Variants in ITGB4 observed in about 807,000 individuals in gnomAD.
ITGB4 encodes integrin subunit beta 4, also known as integrin beta-4.
Under a neutral mutation model 207.6 loss-of-function variants are expected in ITGB4, and 159 were observed. The ratio of observed to expected loss-of-function variants is 0.77; its 90% CI spans 0.67 to 0.87. The LOEUF (loss-of-function observed/expected upper bound fraction) is 0.87. Ranked by LOEUF, ITGB4 falls within the 40% of genes least tolerant of loss-of-function variation. The pLI is 0.00. For missense variants in ITGB4, 2,278 were observed against 2,546.8 expected, an observed-to-expected ratio of 0.89 and a Z score of 2.27; for synonymous variants, 1,020 against 1,062.7, an observed-to-expected ratio of 0.96 and a Z score of 0.78.
rs2060741049 is a variant in ITGB4, at chr17:75,727,330, G to A, written c.162+53G>A. On this transcript the variant is annotated intron_variant, in intron 3 of 39. Coordinates refer to ENST00000200181, the MANE Select transcript of ITGB4 (RefSeq NM_000213.5). This position sits in a 1 kb window ranked among gnomAD's most constrained non-coding sequence, Gnocchi z 6.0. ...AACAGGCAAGGGTCGGGAATAGCTG[G>A]TGGAAATGAATCTAGGGTTGGGGCA... The A allele has an allele frequency of 6.2e-7, 1 of 1,612,680 alleles. No homozygotes were observed. Among genetic ancestry groups the A allele is most frequent in the Non-Finnish European group, 8.5e-7 (1 of 1,178,956 alleles).
chr17:75,739,780 A>T lies in ITGB4; in HGVS notation c.2254+75A>T. 2 of 1,611,122 alleles carry T rather than the reference A, an allele frequency of 1.2e-6. No homozygotes were observed. Among genetic ancestry groups the T allele is most frequent in the Non-Finnish European group, 1.7e-6 (2 of 1,177,504 alleles). ...CTGAGCTGGGGTGGAGGGAAGCTGA[A>T]CCTGGAACGGCAGAGGCTGGAGGCT... On this transcript the variant is annotated intron_variant, in intron 19 of 39. Coordinates refer to ENST00000200181, the MANE Select transcript of ITGB4 (RefSeq NM_000213.5). This position sits in a 1 kb window ranked among gnomAD's most constrained non-coding sequence, Gnocchi z 5.4.
chr17:75,756,282 A>G, intron 35 of ITGB4, 147 bp from the exon 36 acceptor site: 2 of 779,594 alleles, frequency 2.6e-6, no homozygotes, highest in Non-Finnish European at 4.3e-6. Context: ...AACCAGCCAT[A>G]CCATACTGTA....
At chr17:75,746,062 A>G (rs1370901711) in intron 26 of ITGB4, among the ~76,000 whole-genome samples, 1 of 152,056 alleles carries the variant, frequency 6.6e-6, no homozygotes, top group Non-Finnish European at 1.5e-5. Flanking sequence ...ATGTCCCCCC[A>G]TAAAAATTCC....
At chr17:75,743,151 C>T (rs879579299) in intron 25 of ITGB4, among the ~76,000 whole-genome samples, 6 of 152,136 alleles carry the variant, frequency 3.9e-5, no homozygotes, top group Non-Finnish European at 7.4e-5. Context: ...GGGCTGAAGG[C>T]TCCATCTCTG....
rs2060844880 is a variant in ITGB4 at position 75,731,019 on chromosome 17, G to T, written c.1092+55G>T. 4 of 1,514,352 alleles carry T rather than the reference G, an allele frequency of 2.6e-6. No individual in the cohort carries two copies. The highest frequency in any genetic ancestry group is 1.7e-5 in the Admixed American group (1 of 59,744). The allele number at this position is 1,514,352 out of a possible 1,614,324, so 93.8% of individuals were successfully genotyped here. On this transcript the variant is annotated intron_variant, in intron 9 of 39. Transcript: ENST00000200181. This position sits in a 1 kb window ranked among gnomAD's most constrained non-coding sequence, Gnocchi z 6.8. ...GCCCTTCTGGGGCAGGGCAGGAAGT[G>T]GGCAGGGTGGGCAAGAGGTGTCTTG...
In ITGB4 at chr17:75,752,339, C is replaced by G. The variant is rs780818352; in HGVS notation, c.3959C>G (p.Pro1320Arg). 1 of 1,612,666 alleles carries G rather than the reference C, an allele frequency of 6.2e-7. No individual in the cohort carries two copies. Among genetic ancestry groups the G allele is most frequent in the Non-Finnish European group, 8.5e-7 (1 of 1,179,754 alleles). ...REAIINLATQ[P>R]KRPMSIPIIP... is the part of the protein sequence containing the mutation. ...GCCATCATCAACCTGGCCACCCAGC[C>G]CAAGAGGCCCATGTCCAGTGAGTGG... Residue 1320 changes from proline to arginine, a missense_variant, in exon 31 of 40, where the codon CCC becomes CGC. Coordinates refer to ENST00000200181, the MANE Select transcript of ITGB4 (RefSeq NM_000213.5).
Position 75,739,957 on chromosome 17 carries a change from A to G in ITGB4, c.2332A>G (p.Met778Val). The stretch of plus-strand genomic sequence containing the variant: ...GGCCTCTGACCACTTGGACACGCCC[A>G]TGCTGCGCAGCGGGAACCTCAAGGG... Reference protein sequence around the residue: ...LMASDHLDTPMLRSGNLKGRD... With the variant: ...LMASDHLDTPVLRSGNLKGRD... Residue 778 changes from methionine to valine, a missense_variant, in exon 20 of 40, where the codon ATG (methionine) becomes GTG (valine). By Grantham distance (21) the Met-to-Val change is conservative. Transcript: ENST00000200181. This position sits in a 1 kb window ranked among gnomAD's most constrained non-coding sequence, Gnocchi z 5.4. 1 of 1,613,282 alleles carries G rather than the reference A, an allele frequency of 6.2e-7. No individual in the cohort carries two copies.
chr17:75,753,356 G>A (rs1176124148), intron 32 of ITGB4, among the ~76,000 whole-genome samples: 1 of 152,162 alleles, frequency 6.6e-6, no homozygotes, highest in African/African-American at 2.4e-5. Flanking sequence ...CGAAGCGCTC[G>A]GTGGCTTGCG....
In ITGB4 at chr17:75,732,171, G is replaced by A; in HGVS notation, c.1386G>A (p.Glu462=). 1.9e-6 allele frequency: 3 copies of A among 1,614,122 alleles called. No individual in the cohort carries two copies. The highest frequency in any genetic ancestry group is 2.5e-6 in the Non-Finnish European group (3 of 1,180,044). ...GGTCTCTCTCATTCCAGCAAAAAGA[G>A]GTGCGGTCAGCTCGCTGCAGCTTCA... ...CDVCTCELQK[E]VRSARCSFNG... The change falls in exon 12 of 40, where the codon GAG becomes GAA. Residue 462 remains glutamate, a synonymous_variant. Coordinates refer to ENST00000200181, the MANE Select transcript of ITGB4 (RefSeq NM_000213.5). The surrounding 1 kb of genome is among the most constrained non-coding windows in gnomAD (Gnocchi z 5.3).
At chr17:75,728,163 C>A (rs1490240657) in intron 5 of ITGB4, among the ~76,000 whole-genome samples, 2 of 152,214 alleles carry the variant, frequency 1.3e-5, no homozygotes, top group Non-Finnish European at 2.9e-5. Context: ...TTCCCAGCCA[C>A]CCTGCCCTTG....
In ITGB4 at chr17:75,750,504, G is replaced by A. The variant is rs935096908; in HGVS notation, c.3475-176G>A. On this transcript the variant is annotated intron_variant, in intron 28 of 39. Coordinates refer to ENST00000200181, the MANE Select transcript of ITGB4 (RefSeq NM_000213.5). The surrounding 1 kb of genome is among the most constrained non-coding windows in gnomAD (Gnocchi z 5.5). ...GGGGCCCCCTCCCACCCCCGCATGG[G>A]AGATACCCCCACCTGCTCTGCCCTA... Among the ~76,000 whole-genome samples the A allele has an allele frequency of 2.6e-5, 4 of 152,284 alleles. No individual in the cohort carries two copies. Among genetic ancestry groups the A allele is most frequent in the African/African-American group, 9.6e-5 (4 of 41,564 alleles).
At chr17:75,743,651 G>C in intron 25 of ITGB4, 62 bp from the exon 26 acceptor site, 1 of 1,611,224 alleles carries the variant, frequency 6.2e-7, no homozygotes, top group Non-Finnish European at 8.5e-7. Flanking sequence ...GGTCACAGGA[G>C]AGCAGGAGGT....
chr17:75,752,562 G>C lies in ITGB4; in HGVS notation c.4093G>C (p.Val1365Leu). 6.2e-7 allele frequency: 1 copy of C among 1,613,574 alleles called. No individual in the cohort carries two copies. The highest frequency in any genetic ancestry group is 1.3e-5 in the African/African-American group (1 of 75,062). Residue 1365 changes from valine to leucine, a missense_variant, in exon 32 of 40, where the codon GTC becomes CTC. Physicochemically the swap from Val to Leu is conservative, Grantham distance 32. Transcript: ENST00000200181. ...RSPSGSQRPS[V>L]SDDTGCGWKF... ...TCCATCGGGCAGCCAGAGGCCCAGC[G>C]TCTCCGATGACACTGGTGAGTGGAG...
In ITGB4 at chr17:75,757,619, TCCTCAGCTACTCCATCCTTGCA is replaced by T. The variant is rs2061552074; in HGVS notation, c.*67_*88del. 1 of 1,601,978 alleles carries T rather than the reference TCCTCAGCTACTCCATCCTTGCA, an allele frequency of 6.2e-7. No individual in the cohort carries two copies. Among genetic ancestry groups the T allele is most frequent in the Admixed American group, 1.7e-5 (1 of 59,904 alleles). On this transcript the variant is annotated 3_prime_UTR_variant, in exon 40 of 40. Coordinates refer to ENST00000200181, the MANE Select transcript of ITGB4 (RefSeq NM_000213.5). ...TCCTCCCGACTCCTCTCCCGGAGCC[TCCTCAGCTACTCCATCCTTGCA>T]CCCCTGGGGGCCCAGCCCACCCGCA...
chr17:75,731,793 G>T lies in ITGB4; in HGVS notation c.1216-19G>T. On this transcript the variant is annotated intron_variant, in intron 10 of 39. Coordinates refer to ENST00000200181, the MANE Select transcript of ITGB4 (RefSeq NM_000213.5). The surrounding 1 kb of genome is among the most constrained non-coding windows in gnomAD (Gnocchi z 6.8). ...CCTTGGGGCTGGGCCTGCCTTGGCT[G>T]ACCACGGGGCCCCTGCAGGGTATAT... The T allele has an allele frequency of 6.4e-7, 1 of 1,561,780 alleles. No homozygotes were observed. The highest frequency in any genetic ancestry group is 1.2e-5 in the South Asian group (1 of 85,996).
At position 75,743,772 on chromosome 17, in the gene ITGB4, G is replaced by T; in HGVS notation, c.3022G>T (p.Ala1008Ser). ...EFSVSRGDQV[A>S]RIPVIRRVLD... ...CTCGGTCAGCCGCGGGGACCAGGTGGCCCGCATCCCTGTCATCCGGCGTGT... is the reference window on the plus strand; with the variant it reads ...CTCGGTCAGCCGCGGGGACCAGGTGTCCCGCATCCCTGTCATCCGGCGTGT... The change falls in exon 26 of 40, where the codon GCC (alanine) becomes TCC (serine). Residue 1008 changes from alanine to serine, a missense_variant. By Grantham distance (99) the Ala-to-Ser change is moderately conservative. Transcript: ENST00000200181. 1 of 1,613,472 alleles carries T rather than the reference G, an allele frequency of 6.2e-7. No individual in the cohort carries two copies.
Position 75,737,443 on chromosome 17 carries a change from G to A in ITGB4, c.2112G>A (p.Lys704=), listed in dbSNP as rs545892224. ...PNSTVLVHKK[K]DCPPGSFWWL... is the part of the protein sequence containing the mutation. Reference sequence around the variant, plus strand: ...GCACTGTCCTGGTGCACAAGAAGAAGGGTGAGCTGGTGGGGCCGGGCGCAG... The same window carrying A: ...GCACTGTCCTGGTGCACAAGAAGAAAGGTGAGCTGGTGGGGCCGGGCGCAG... The change falls in exon 17 of 40, where the codon AAG becomes AAA. Residue 704 remains lysine, a splice_region_variant and synonymous_variant. Coordinates refer to ENST00000200181, the MANE Select transcript of ITGB4 (RefSeq NM_000213.5). The A allele has an allele frequency of 1.9e-6, 3 of 1,554,436 alleles. No homozygotes were observed. In the African/African-American group the frequency reaches 4.1e-5, roughly 21 times the overall value.
intron 8 of ITGB4, 106 bp from the exon 9 acceptor site, chr17:75,730,769 A>G: frequency 2.6e-6 from 3 of 1,162,492 alleles, no homozygotes; most frequent in Non-Finnish European, 3.8e-6. Flanking sequence ...GCGACACCAC[A>G]GTAGGTTCCA....
At chr17:75,730,853 G>T in intron 8 of ITGB4, 22 bp from the exon 9 acceptor site, 1 of 1,582,646 alleles carries the variant, frequency 6.3e-7, no homozygotes, top group South Asian at 1.1e-5. Flanking sequence ...CTTAGCCTGA[G>T]ACCTGGCCTT....
Sources: allele counts gnomAD v4.1 joint callset (sites outside exome capture counted in the v4.1 genomes callset), GRCh38; gene constraint gnomAD v4.1.1; non-coding constraint Gnocchi (gnomAD v3.1); transcripts MANE v1.5; gene names NCBI Gene and HGNC (gene_info 2026-07-23, HGNC 2026-07-21).